RPS7: variants seen among roughly 807,000 people sequenced by gnomAD.
RPS7 encodes small ribosomal subunit protein eS7.
RPS7 carries 1 observed loss-of-function variant against 22.1 expected under a neutral mutation model. The ratio of observed to expected loss-of-function variants is 0.05; its 90% CI spans 0.02 to 0.21. RPS7 has a LOEUF of 0.21. Among genes scored for constraint, RPS7 ranks in the 10% least tolerant of loss-of-function variants. RPS7 has a pLI of 1.00. For missense variants in RPS7, 137 were observed against 246.4 expected, an observed-to-expected ratio of 0.56 and a Z score of 2.97; for synonymous variants, 80 against 92.0, an observed-to-expected ratio of 0.87 and a Z score of 0.74.
At chr2:3,575,951 G>C in intron 3 of RPS7, 63 bp downstream of exon 3, 3 of 1,162,404 alleles carry the variant, frequency 2.6e-6, no homozygotes, top group South Asian at 1.3e-5. Flanking sequence ...CAGTGCCTGA[G>C]AGGGTTGGAC....
chr2:3,575,832 G>C lies in RPS7; in HGVS notation c.91G>C (p.Glu31Gln). 6.2e-7 allele frequency: 1 copy of C among 1,612,290 alleles called. No homozygotes were observed. The highest frequency in any genetic ancestry group is 8.5e-7 in the Non-Finnish European group (1 of 1,179,746). ...TGCTTCTTAGGCTCTTCTGGAGCTG[G>C]AGATGAACTCGGACCTCAAGGCTCA... ...SGISQALLEL[E>Q]MNSDLKAQLR... Residue 31 changes from glutamate (E) to glutamine (Q), a missense_variant, in exon 3 of 7, where the codon GAG becomes CAG. Glu to Gln is a conservative substitution (Grantham distance 29). Transcript: ENST00000645674.
At chr2:3,577,071 C>T in intron 4 of RPS7, 1 of 254,888 alleles carries the variant, frequency 3.9e-6, no homozygotes, top group Non-Finnish European at 7.8e-6. Flanking sequence ...CCCTGTGGCT[C>T]ACTCCTGTAA....
Position 3,577,575 on chromosome 2 carries a change from C to CT in RPS7, c.292-134dup, listed in dbSNP as rs1203063048. On this transcript the variant is annotated intron_variant, in intron 4 of 6. Coordinates refer to ENST00000645674, the MANE Select transcript of RPS7 (RefSeq NM_001011.4). ...AGGGTTTGCTCAGTCAATTGTTCGT[C>CT]TAAGTTGTTTAGCCTTCTCGAACTT... 6 of 689,076 alleles carry CT rather than the reference C, an allele frequency of 8.7e-6. No homozygotes were observed. In the African/African-American group the frequency reaches 1.1e-4, roughly 12 times the overall value. The allele number at this position is 689,076 out of a possible 1,614,324, so 42.7% of individuals were successfully genotyped here. A position where few individuals can be genotyped will look rare whatever the true frequency, so the allele number is the denominator to read the frequency against.
intron 4 of RPS7, chr2:3,577,494 G>T: frequency 1.7e-6 from 1 of 583,034 alleles, no homozygotes; most frequent in Non-Finnish European, 3.1e-6. Flanking sequence ...TGGCGTATTA[G>T]TAGAGGCTGT....
At chr2:3,575,441 C>G in intron 1 of RPS7, 91 bp downstream of exon 1, 1 of 633,436 alleles carries the variant, frequency 1.6e-6, no homozygotes, top group Non-Finnish European at 2.8e-6. Flanking sequence ...GCGAGCCTTG[C>G]TCACAGGGTG....
At chr2:3,577,622 C>T (rs1661312567) in intron 4 of RPS7, 88 bp from the exon 5 acceptor site, 2 of 963,762 alleles carry the variant, frequency 2.1e-6, no homozygotes, top group Non-Finnish European at 3.3e-6. Flanking sequence ...TGCCATTCTT[C>T]TTGCTTTTAA....
intron 3 of RPS7, 61 bp downstream of exon 3, chr2:3,575,949 G>C: frequency 8.0e-7 from 1 of 1,248,584 alleles, no homozygotes; most frequent in Admixed American, 1.9e-5. Flanking sequence ...CGCAGTGCCT[G>C]AGAGGGTTGG....
intron 6 of RPS7, 64 bp downstream of exon 6, chr2:3,580,324 C>T: frequency 2.1e-6 from 3 of 1,430,748 alleles, no homozygotes; most frequent in Non-Finnish European, 3.0e-6. Flanking sequence ...TTAGTGTAAC[C>T]AGTCTCCATG....
chr2:3,580,198 G>A lies in RPS7; in HGVS notation c.445G>A (p.Asp149Asn), dbSNP rs1381682485. 1 of 1,613,502 alleles carries A rather than the reference G, an allele frequency of 6.2e-7. No homozygotes were observed. The highest frequency in any genetic ancestry group is 1.3e-5 in the African/African-American group (1 of 74,750). ...IVGKRIRVKL[D>N]GSRLIKVHLD... ...GGGCAAGAGAATCCGCGTCAAACTA[G>A]ATGGCAGCCGGCTCATAAAGGTTCA... The change falls in exon 6 of 7, where the codon GAT (aspartate) becomes AAT (asparagine). Residue 149 changes from aspartate (D) to asparagine (N), a missense_variant. This residue lies in a region of RPS7 where 74 missense variants were observed against 171.4 expected (regional missense o/e 0.43). Coordinates refer to ENST00000645674, the MANE Select transcript of RPS7 (RefSeq NM_001011.4).
chr2:3,577,659 T>C (rs765824593), intron 4 of RPS7, 51 bp from the exon 5 acceptor site: 3 of 1,366,798 alleles, frequency 2.2e-6, no homozygotes, highest in Non-Finnish European at 3.1e-6. Flanking sequence ...CAGCTTTTTG[T>C]CAATTTAAAG....
chr2:3,578,129 T>C (rs923142723), intron 5 of RPS7: 4 of 197,694 alleles, frequency 2.0e-5, no homozygotes, highest in Non-Finnish European at 4.2e-5. Context: ...TTTTTATTTT[T>C]GCTGTGGATT....
At position 3,575,920 on chromosome 2, in the gene RPS7, G is replaced by A. The variant is rs1262636758; in HGVS notation, c.147+32G>A. The stretch of plus-strand genomic sequence containing the variant: ...TGGCGCTCCCTCGGCTGGGAGGGAG[G>A]TTGCGGCGCGTCTCCCCGCGCAGTG... On this transcript the variant is annotated intron_variant, in intron 3 of 6. Coordinates refer to ENST00000645674, the MANE Select transcript of RPS7 (RefSeq NM_001011.4). 2.7e-6 allele frequency: 4 copies of A among 1,498,718 alleles called. No individual in the cohort carries two copies. In the South Asian group the frequency reaches 3.5e-5, roughly 13 times the overall value. 92.8% of individuals were successfully genotyped at this position (1,498,718 alleles called of 1,614,324 possible). A position where few individuals can be genotyped will look rare whatever the true frequency, so the allele number is the denominator to read the frequency against.
chr2:3,577,572 C>A (rs148310853), intron 4 of RPS7, 138 bp from the exon 5 acceptor site: 17 of 677,598 alleles, frequency 2.5e-5, no homozygotes, highest in Admixed American at 2.5e-5. Context: ...GTCAATTGTT[C>A]GTCTAAGTTG....
At chr2:3,576,042 C>A in intron 3 of RPS7, 154 bp downstream of exon 3, 1 of 687,572 alleles carries the variant, frequency 1.5e-6, no homozygotes, top group Non-Finnish European at 2.7e-6. Context: ...GGAGTGATAC[C>A]GCCCAGGTGC....
intron 6 of RPS7, 52 bp from the exon 7 acceptor site, chr2:3,580,753 A>T: frequency 8.9e-7 from 1 of 1,121,350 alleles, no homozygotes; most frequent in Non-Finnish European, 1.4e-6. Flanking sequence ...ATTAGGTTTT[A>T]AGCTGAGTGT....
At chr2:3,575,744 G>A (rs1317035163) in intron 2 of RPS7, 60 bp downstream of exon 2, 8 of 1,594,900 alleles carry the variant, frequency 5.0e-6, no homozygotes, top group Non-Finnish European at 6.0e-6. Context: ...GAGGGGAGGC[G>A]GCCGCGCGTG....
intron 5 of RPS7, chr2:3,579,852 G>A: frequency 3.5e-6 from 2 of 564,910 alleles, no homozygotes; most frequent in Non-Finnish European, 6.3e-6. Context: ...TTGCCTTGGT[G>A]AGTTTGTAGT....
In RPS7 at chr2:3,575,862, A is replaced by G. The variant is rs1252946368; in HGVS notation, c.121A>G (p.Arg41Gly). Residue 41 changes from arginine to glycine, a missense_variant, in exon 3 of 7, where the codon AGG becomes GGG. By Grantham distance (125) the Arg-to-Gly change is moderately radical. This residue lies in a region of RPS7 where 63 missense variants were observed against 75.0 expected (regional missense o/e 0.84). Coordinates refer to ENST00000645674, the MANE Select transcript of RPS7 (RefSeq NM_001011.4). Reference protein sequence around the residue: ...EMNSDLKAQLRELNITAAKEI... With the variant: ...EMNSDLKAQLGELNITAAKEI... ...GAACTCGGACCTCAAGGCTCAGCTC[A>G]GGGAGCTGAATATTACGGCAGCTAA... The G allele has an allele frequency of 1.2e-6, 2 of 1,610,232 alleles. No homozygotes were observed. The highest frequency in any genetic ancestry group is 1.7e-6 in the Non-Finnish European group (2 of 1,178,478).
intron 6 of RPS7, 43 bp from the exon 7 acceptor site, chr2:3,580,762 G>T (rs1259020439): frequency 1.7e-6 from 2 of 1,186,270 alleles, no homozygotes; most frequent in Non-Finnish European, 2.5e-6. Context: ...TAAGCTGAGT[G>T]TGTATTTCAA....
Sources: allele counts gnomAD v4.1 joint callset, GRCh38; gene constraint gnomAD v4.1.1; regional missense constraint gnomAD v4.1.1; transcripts MANE v1.5; gene names NCBI Gene and HGNC (gene_info 2026-07-23, HGNC 2026-07-21).